Variants in GPM6A observed in about 807,000 individuals in gnomAD.
GPM6A encodes the protein glycoprotein M6A, also known as neuronal membrane glycoprotein M6-a.
GPM6A carries 7 observed loss-of-function variants against 32.1 expected under a neutral mutation model. That is an observed-to-expected ratio of 0.22 (90% confidence interval 0.12 to 0.41). GPM6A has a LOEUF of 0.41. Ranked by LOEUF, GPM6A falls within the 10% of genes least tolerant of loss-of-function variation. The pLI is 1.00. For synonymous variants in GPM6A, 130 were observed against 123.4 expected, an observed-to-expected ratio of 1.05 and a Z score of -0.35; for missense variants, 235 against 347.2, an observed-to-expected ratio of 0.68 and a Z score of 2.57.
At chr4:175,659,849 G>A (rs940990123) in intron 3 of GPM6A, among the ~76,000 whole-genome samples, 2 of 152,146 alleles carry the variant, frequency 1.3e-5, no homozygotes, top group African/African-American at 4.8e-5. Flanking sequence ...GAACAATAGT[G>A]TGAATGTAAG....
intron 3 of GPM6A, among the ~76,000 whole-genome samples, 179 bp from the exon 4 acceptor site, chr4:175,652,166 T>G (rs1741847428): frequency 6.6e-6 from 1 of 152,172 alleles, no homozygotes; most frequent in Non-Finnish European, 1.5e-5. Flanking sequence ...ATGGGTTAAG[T>G]GAATAAACCT....
intron 1 of GPM6A, among the ~76,000 whole-genome samples, chr4:175,901,937 C>T (rs964095406): frequency 2.0e-5 from 3 of 151,924 alleles, no homozygotes; most frequent in African/African-American, 7.3e-5. Context: ...CTATAATTTT[C>T]TTAAAAAGTT....
intron 1 of GPM6A, among the ~76,000 whole-genome samples, chr4:175,861,774 A>G (rs1170183666): frequency 2.7e-5 from 4 of 149,722 alleles, no homozygotes; most frequent in Non-Finnish European, 5.9e-5. Flanking sequence ...AAAAAAGAAC[A>G]TGTATACATA....
At chr4:175,939,268 G>C (rs1579645708) in intron 1 of GPM6A, among the ~76,000 whole-genome samples, 1 of 152,184 alleles carries the variant, frequency 6.6e-6, no homozygotes. Flanking sequence ...AGAGCCCTGA[G>C]GGGGTAAAAC....
chr4:175,842,172 G>T (rs1735957743), intron 1 of GPM6A, among the ~76,000 whole-genome samples: 1 of 152,002 alleles, frequency 6.6e-6, no homozygotes, highest in South Asian at 2.1e-4. Context: ...TTTTTGTACA[G>T]AATTCCTTTT....
chr4:175,922,643 C>G (rs984208956), intron 1 of GPM6A, among the ~76,000 whole-genome samples: 2 of 152,066 alleles, frequency 1.3e-5, no homozygotes, highest in African/African-American at 2.4e-5. Flanking sequence ...TCAAGAAGCC[C>G]AATTTGAACA....
intron 1 of GPM6A, among the ~76,000 whole-genome samples, chr4:175,735,612 T>C (rs898846459): frequency 6.6e-6 from 1 of 151,476 alleles, no homozygotes; most frequent in Non-Finnish European, 1.5e-5. Context: ...CAGGCTGGAG[T>C]GCAGTGGTGT....
chr4:175,764,905 C>T (rs866806636), intron 1 of GPM6A, among the ~76,000 whole-genome samples: 1 of 149,268 alleles, frequency 6.7e-6, no homozygotes, highest in Admixed American at 6.7e-5. Flanking sequence ...CAGAGTTTCA[C>T]TCTTATTGCC....
intron 1 of GPM6A, among the ~76,000 whole-genome samples, chr4:175,885,066 T>A: frequency 6.6e-6 from 1 of 152,298 alleles, no homozygotes; most frequent in East Asian, 1.9e-4. Flanking sequence ...AATGTACATA[T>A]GTATGTGCAT....
intron 1 of GPM6A, among the ~76,000 whole-genome samples, chr4:175,708,529 C>T (rs1249328279): frequency 1.3e-5 from 2 of 151,888 alleles, no homozygotes; most frequent in Non-Finnish European, 2.9e-5. Context: ...GGTATTACAG[C>T]TGCCCGCCAC....
At chr4:175,813,595 G>GAC (rs924096865), upstream of GPM6A, among the ~76,000 whole-genome samples, 2 of 151,360 alleles carry the variant, frequency 1.3e-5, no homozygotes, top group Admixed American at 1.3e-4. Flanking sequence ...CACACACAAG[G>GAC]ACACACACAC....
chr4:175,792,797 T>C (rs1734063047), intron 1 of GPM6A, among the ~76,000 whole-genome samples: 2 of 152,342 alleles, frequency 1.3e-5, no homozygotes, highest in South Asian at 4.1e-4. Context: ...GATTCTCATG[T>C]TATTGTATTC....
chr4:175,881,163 C>T (rs1012196599), intron 1 of GPM6A, among the ~76,000 whole-genome samples: 11 of 151,948 alleles, frequency 7.2e-5, no homozygotes, highest in Non-Finnish European at 1.2e-4. Flanking sequence ...AACAAACAAC[C>T]CCACCAAAAA....
intron 1 of GPM6A, among the ~76,000 whole-genome samples, chr4:175,943,776 G>A (rs916712631): frequency 1.3e-5 from 2 of 152,168 alleles, no homozygotes; most frequent in African/African-American, 4.8e-5. Context: ...GCTGGATTCG[G>A]TTTGCCAGTA....
At chr4:175,971,032 G>A (rs1459979779) in intron 1 of GPM6A, 1 of 355,610 alleles carries the variant, frequency 2.8e-6, no homozygotes, top group Non-Finnish European at 5.4e-6. Flanking sequence ...CCTCAGTTAG[G>A]AAAGTAAAGG....
At chr4:175,831,390 C>T (rs1486854447) in intron 1 of GPM6A, among the ~76,000 whole-genome samples, 1 of 152,148 alleles carries the variant, frequency 6.6e-6, no homozygotes, top group African/African-American at 2.4e-5. Context: ...AAACACTAAG[C>T]TTACATTTTC....
intron 1 of GPM6A, among the ~76,000 whole-genome samples, chr4:175,995,288 C>T (rs954659397): frequency 1.3e-5 from 2 of 148,372 alleles, no homozygotes; most frequent in Admixed American, 6.9e-5. Flanking sequence ...AGAGGAATCA[C>T]TATGTATGGC....
chr4:175,718,107 G>A (rs1222162806), intron 1 of GPM6A, among the ~76,000 whole-genome samples: 3 of 152,072 alleles, frequency 2.0e-5, no homozygotes, highest in East Asian at 1.9e-4. Context: ...CTTATGTTAC[G>A]CCAGATATTC....
At position 175,733,396 on chromosome 4, in the gene GPM6A, G is replaced by A. The variant is rs149893183; in HGVS notation, c.38-31629C>T. On this transcript the variant is annotated intron_variant, in intron 1 of 6. Coordinates refer to ENST00000393658, the MANE Select transcript of GPM6A (RefSeq NM_201591.3). Reference sequence around the variant, plus strand: ...GCACCGCCTATAGTCCAAGCTACTCGGGAGGCTGAGGCAGGAGAATCACTT... The same window carrying A: ...GCACCGCCTATAGTCCAAGCTACTCAGGAGGCTGAGGCAGGAGAATCACTT... 4.4e-3 allele frequency among the ~76,000 whole-genome samples: 669 copies of A among 152,148 alleles called. 7 individuals carry two copies. The highest frequency in any genetic ancestry group is 0.015 in the African/African-American group (616 of 41,474).
Sources: allele counts gnomAD v4.1 joint callset (sites outside exome capture counted in the v4.1 genomes callset), GRCh38; gene constraint gnomAD v4.1.1; transcripts MANE v1.5; gene names NCBI Gene and HGNC (gene_info 2026-07-23, HGNC 2026-07-21).